CR1: variants seen among roughly 807,000 people sequenced by gnomAD.
The protein encoded by CR1 is complement C3b/C4b receptor 1 (Knops blood group).
A neutral mutation model predicts 187.3 loss-of-function variants in CR1; 116 were observed. The ratio of observed to expected loss-of-function variants is 0.62; its 90% confidence interval spans 0.53 to 0.72. The LOEUF is 0.72. CR1 is among the 30% of genes least tolerant of loss of function. The probability of loss-of-function intolerance (pLI) is 0.00; values close to 1 mark genes in which losing one functional copy is unlikely to be tolerated. For synonymous variants in CR1, 576 were observed against 747.1 expected, an observed-to-expected ratio of 0.77 and a Z score of 3.73; for missense variants, 1,731 against 2,110.7, an observed-to-expected ratio of 0.82 and a Z score of 3.52.
chr1:207,626,259 A>G (rs2102409341), intron 45 of CR1, among the ~76,000 whole-genome samples: 1 of 152,374 alleles, frequency 6.6e-6, no homozygotes, highest in Non-Finnish European at 1.5e-5. Flanking sequence ...ACTGATTTTC[A>G]TGTTAGAAAT....
intron 44 of CR1, 72 bp from the exon 45 acceptor site, chr1:207,622,921 G>C: frequency 9.4e-7 from 1 of 1,063,320 alleles, no homozygotes; most frequent in Non-Finnish European, 1.4e-6. Flanking sequence ...AGTGGGACTG[G>C]ATACTAAGAT....
intron 35 of CR1, among the ~76,000 whole-genome samples, chr1:207,599,546 A>G (rs1179722646): frequency 6.6e-6 from 1 of 152,234 alleles, no homozygotes; most frequent in East Asian, 1.9e-4. Flanking sequence ...TATTGTTTAT[A>G]TAAGCAAAAA....
At position 207,616,878 on chromosome 1, in the gene CR1, G is replaced by A. The variant is rs928829081; in HGVS notation, c.6889+76G>A. On this transcript the variant is annotated intron_variant, in intron 41 of 46. Coordinates refer to ENST00000367049, the MANE Select transcript of CR1 (RefSeq NM_000651.6). ...GAACCTCCATATTTCTATAGTGACA[G>A]TCATTTTTGCTTGTGAAAATGGCTT... The A allele has an allele frequency of 5.2e-6, 8 of 1,547,058 alleles. No homozygotes were observed. The African/African-American group carries it at 8.3e-5, about 16-fold the overall frequency.
intron 46 of CR1, among the ~76,000 whole-genome samples, 197 bp from the exon 47 acceptor site, chr1:207,639,200 G>A (rs1662906870): frequency 1.3e-5 from 2 of 152,130 alleles, no homozygotes; most frequent in South Asian, 4.1e-4. Context: ...TTGAGACTGG[G>A]CAATTCTTTT....
intron 41 of CR1, among the ~76,000 whole-genome samples, chr1:207,617,507 A>ATATATATATATATATATATGTGTGTG (rs1332301171): frequency 5.7e-4 from 27 of 47,006 alleles, no homozygotes; most frequent in Non-Finnish European, 1.2e-3. Context: ...ATATATATAT[A>ATATATATATATATATATATGTGTGTG]TGTGTGTGTG....
At chr1:207,612,079 T>C in intron 39 of CR1, 38 bp downstream of exon 39, 1 of 1,588,634 alleles carries the variant, frequency 6.3e-7, no homozygotes, top group Non-Finnish European at 8.6e-7. Flanking sequence ...GGACTCAGTG[T>C]GGAGAATCAC....
chr1:207,510,823 C>T lies in CR1; in HGVS notation c.402-746C>T, dbSNP rs12047409. On this transcript the variant is annotated intron_variant, in intron 3 of 46. Coordinates refer to ENST00000367049, the MANE Select transcript of CR1 (RefSeq NM_000651.6). ...CTTTGCTTTCTTTCTTTCCTTTTTA[C>T]TTTCTTTTTTTTTTTTGATACAATG... is the stretch of plus-strand genomic sequence containing the variant. Among the ~76,000 whole-genome samples the T allele has an allele frequency of 1.3e-4, 17 of 133,316 alleles. No homozygotes were observed. The East Asian group carries it at 2.9e-3, about 23-fold the overall frequency. The allele number at this position is 133,316 out of a possible 152,430, so 87.5% of individuals were successfully genotyped here.
chr1:207,619,111 G>A (rs1366122993), intron 42 of CR1, among the ~76,000 whole-genome samples: 5 of 150,612 alleles, frequency 3.3e-5, no homozygotes, highest in East Asian at 3.9e-4. Context: ...GGCTGGGCAC[G>A]GTGGCTCAGG....
At chr1:207,596,228 A>G (rs538663707) in intron 35 of CR1, among the ~76,000 whole-genome samples, 3 of 152,222 alleles carry the variant, frequency 2.0e-5, no homozygotes, top group Non-Finnish European at 2.9e-5. Context: ...GTGAATTAAT[A>G]CATGTATTTT....
chr1:207,625,349 C>T (rs10779335), intron 45 of CR1, among the ~76,000 whole-genome samples: 123,718 of 152,174 alleles, frequency 0.81, 50,504 homozygotes, highest in South Asian at 0.9. Context: ...TCATGATCCT[C>T]GTTAGACTTA....
At chr1:207,519,635 A>G (rs1267200820) in intron 4 of CR1, among the ~76,000 whole-genome samples, 1 of 152,218 alleles carries the variant, frequency 6.6e-6, no homozygotes, top group Non-Finnish European at 1.5e-5. Context: ...TTTTGCAAAA[A>G]GAAAAGCTTC....
chr1:207,589,650 G>A (rs1330883405), intron 35 of CR1, among the ~76,000 whole-genome samples: 2 of 152,062 alleles, frequency 1.3e-5, no homozygotes. Context: ...TCAGAAGGTG[G>A]GTAATAACAA....
At chr1:207,636,281 C>A (rs1043700389) in intron 46 of CR1, among the ~76,000 whole-genome samples, 4 of 152,068 alleles carry the variant, frequency 2.6e-5, no homozygotes, top group Admixed American at 6.5e-5. Flanking sequence ...GCAACTCCTG[C>A]GATTGCCTCA....
At position 207,564,756 on chromosome 1, in the gene CR1, G is replaced by A. The variant is rs550633098; in HGVS notation, c.3866+522G>A. Among the ~76,000 whole-genome samples the A allele has an allele frequency of 2.7e-4, 41 of 150,184 alleles. 5 individuals are homozygous for A. Among genetic ancestry groups the A allele is most frequent in the African/African-American group, 1.0e-3 (41 of 39,708 alleles). On this transcript the variant is annotated intron_variant, in intron 23 of 46. Coordinates refer to ENST00000367049, the MANE Select transcript of CR1 (RefSeq NM_000651.6). ...GTGGAGTTTGCAGTGAGCCGAGATG[G>A]CACCATTGCACTCCAGCGTGAACAA...
At chr1:207,519,336 C>G (rs1372401129) in intron 4 of CR1, among the ~76,000 whole-genome samples, 1 of 151,842 alleles carries the variant, frequency 6.6e-6, no homozygotes, top group African/African-American at 2.4e-5. Context: ...AATATAGTTA[C>G]TGATATAAAG....
At chr1:207,621,118 T>C (rs1480416278) in intron 43 of CR1, among the ~76,000 whole-genome samples, 1 of 151,702 alleles carries the variant, frequency 6.6e-6, no homozygotes, top group African/African-American at 2.4e-5. Flanking sequence ...TACTAAAAAA[T>C]AAAAAAATTA....
Position 207,565,815 on chromosome 1 carries a change from T to G in CR1, c.3867-23T>G, listed in dbSNP as rs764441483. 5.6e-6 allele frequency: 9 copies of G among 1,610,262 alleles called. No homozygotes were observed. The East Asian group carries it at 2.0e-4, about 36-fold the overall frequency. ...TCCTCTTGGCTGAAACAGCTCACTATTCACTCCTATTTTCTTCTTTAGATT... is the reference window on the plus strand; with the variant it reads ...TCCTCTTGGCTGAAACAGCTCACTAGTCACTCCTATTTTCTTCTTTAGATT... On this transcript the variant is annotated intron_variant, in intron 23 of 46. Coordinates refer to ENST00000367049, the MANE Select transcript of CR1 (RefSeq NM_000651.6).
At chr1:207,616,993 T>C (rs1662119594) in intron 41 of CR1, among the ~76,000 whole-genome samples, 191 bp downstream of exon 41, 1 of 152,178 alleles carries the variant, frequency 6.6e-6, no homozygotes, top group Non-Finnish European at 1.5e-5. Flanking sequence ...GGTATTCTGA[T>C]GGTCCTTCCT....
chr1:207,630,634 A>G lies in CR1; in HGVS notation c.7457+13A>G. ...AAGAAAATAGCAGGTACCTATATACATACTGAATTCAAAATGTTTTCAACA... is the reference window on the plus strand; with the variant it reads ...AAGAAAATAGCAGGTACCTATATACGTACTGAATTCAAAATGTTTTCAACA... On this transcript the variant is annotated intron_variant, in intron 46 of 46. Transcript: ENST00000367049. 2 of 1,516,822 alleles carry G rather than the reference A, an allele frequency of 1.3e-6. No homozygotes were observed. Among genetic ancestry groups the G allele is most frequent in the Non-Finnish European group, 8.9e-7 (1 of 1,125,700 alleles). 94.0% of individuals were successfully genotyped at this position (1,516,822 alleles called of 1,614,324 possible).
Sources: gnomAD v4.1 joint callset for allele counts (sites outside exome capture counted in the v4.1 genomes callset) on GRCh38, gnomAD v4.1.1 for gene constraint, MANE v1.5 for transcripts, NCBI Gene and HGNC (gene_info 2026-07-23, HGNC 2026-07-21) for gene names.